Variants in CNOT4 observed in about 807,000 individuals in gnomAD.
CNOT4 encodes the protein CCR4-NOT transcription complex subunit 4, also known as CCR4-associated factor 4.
Under a neutral mutation model 73.8 loss-of-function variants are expected in CNOT4, and 8 were observed. That is an observed-to-expected ratio of 0.11 (90% CI 0.06 to 0.20). The LOEUF is 0.20. CNOT4 is among the 10% of genes least tolerant of loss of function. The pLI is 1.00. For missense variants in CNOT4, 564 were observed against 883.4 expected (o/e 0.64, Z 4.58); for synonymous variants, 293 against 321.1 (o/e 0.91, Z 0.94).
chr7:135,373,546 A>G (rs1322992153), intron 10 of CNOT4, among the ~76,000 whole-genome samples: 1 of 152,000 alleles, frequency 6.6e-6, no homozygotes, highest in African/African-American at 2.4e-5. Flanking sequence ...GAAATGGCAG[A>G]CTCTGGAAGC....
chr7:135,396,645 T>C (rs566318050), intron 8 of CNOT4, among the ~76,000 whole-genome samples: 36 of 152,296 alleles, frequency 2.4e-4, no homozygotes, highest in African/African-American at 8.2e-4. Context: ...TAAAAATAAT[T>C]TTGTATAATA....
At chr7:135,474,513 G>A (rs1266977548) in intron 1 of CNOT4, among the ~76,000 whole-genome samples, 1 of 151,036 alleles carries the variant, frequency 6.6e-6, no homozygotes, top group African/African-American at 2.4e-5. Context: ...CTGACCTCAA[G>A]TGATCCGCCC....
At chr7:135,471,628 T>A (rs554230552) in intron 1 of CNOT4, among the ~76,000 whole-genome samples, 1 of 152,366 alleles carries the variant, frequency 6.6e-6, no homozygotes, top group East Asian at 1.9e-4. Context: ...TATATATGTA[T>A]GTATTTAATT....
At chr7:135,384,376 C>T in intron 10 of CNOT4, 1 of 286,318 alleles carries the variant, frequency 3.5e-6, no homozygotes, top group Non-Finnish European at 6.7e-6. Context: ...GCTCCACCTC[C>T]TGGGTTCGCG....
In CNOT4 at chr7:135,364,096, G is replaced by A. The variant is rs1477063173; in HGVS notation, c.1628-30C>T. ...GAGATTTACCAACAAAAAAATGAAA[G>A]ATAAAAAAAAATAAAAAGCTACGTT... is the stretch of plus-strand genomic sequence containing the variant. On this transcript the variant is annotated intron_variant, in intron 10 of 11. Transcript: ENST00000541284. This position sits in a 1 kb window ranked among gnomAD's most constrained non-coding sequence, Gnocchi z 4.3. The A allele has an allele frequency of 1.0e-5, 15 of 1,470,248 alleles. No homozygotes were observed. Among genetic ancestry groups the A allele is most frequent in the Admixed American group, 9.9e-5 (5 of 50,468 alleles). The allele number at this position is 1,470,248 out of a possible 1,614,324, so 91.1% of individuals were successfully genotyped here. A position where few individuals can be genotyped will look rare whatever the true frequency, so the allele number is the denominator to read the frequency against.
At chr7:135,486,104 T>A (rs564664107) in intron 1 of CNOT4, among the ~76,000 whole-genome samples, 3 of 151,690 alleles carry the variant, frequency 2.0e-5, no homozygotes, top group Non-Finnish European at 4.4e-5. Context: ...CTAAAGAACT[T>A]AACTAAATAC....
intron 1 of CNOT4, among the ~76,000 whole-genome samples, chr7:135,493,181 T>C (rs539816406): frequency 6.6e-6 from 1 of 152,050 alleles, no homozygotes; most frequent in Admixed American, 6.6e-5. Context: ...AAATGGTTGG[T>C]TGGTTGGTTG....
At position 135,433,443 on chromosome 7, in the gene CNOT4, A is replaced by G. The variant is rs180833230; in HGVS notation, c.174+4715T>C. Among the ~76,000 whole-genome samples, 336 of 147,360 alleles carry G rather than the reference A, an allele frequency of 2.3e-3. 1 individual carries two copies. Among genetic ancestry groups the G allele is most frequent in the Non-Finnish European group, 3.5e-3 (234 of 67,154 alleles). ...ATGAACATGGCTCACTGTAGCTTCA[A>G]CCTCCTGGGTTCAAGCGATCCTCCC... On this transcript the variant is annotated intron_variant, in intron 2 of 11. Coordinates refer to ENST00000541284, the MANE Select transcript of CNOT4 (RefSeq NM_001190850.2).
chr7:135,441,236 CA>C lies in CNOT4; in HGVS notation c.-92-2814del, dbSNP rs34112399. 2.5e-3 allele frequency among the ~76,000 whole-genome samples: 366 copies of C among 148,386 alleles called. 1 individual carries two copies. The highest frequency in any genetic ancestry group is 7.8e-3 in the African/African-American group (316 of 40,468). On this transcript the variant is annotated intron_variant, in intron 1 of 11. Coordinates refer to ENST00000541284, the MANE Select transcript of CNOT4 (RefSeq NM_001190850.2). ...AAAAATCCATATTATCTAAATGCTG[CA>C]AAAAAAAATGTATTTTTTCACAATT... is the stretch of plus-strand genomic sequence containing the variant.
rs1029908544 is a variant in CNOT4, at chr7:135,393,991, G to A, written c.1554C>T (p.Thr518=). The A allele has an allele frequency of 6.8e-6, 11 of 1,614,032 alleles. No homozygotes were observed. Among genetic ancestry groups the A allele is most frequent in the Non-Finnish European group, 9.3e-6 (11 of 1,179,892 alleles). Reference sequence around the variant, plus strand: ...TCAAGTCCAAGAAATTACTATTTGAGGTGGGGTTTGCTGTGTGGTTCAAGT... The same window carrying A: ...TCAAGTCCAAGAAATTACTATTTGAAGTGGGGTTTGCTGTGTGGTTCAAGT... ...IMHLNHTANP[T]SNSNFLDLNL... The change falls in exon 10 of 12, where the codon ACC becomes ACT. Residue 518 remains threonine, a synonymous_variant. Coordinates refer to ENST00000541284, the MANE Select transcript of CNOT4 (RefSeq NM_001190850.2).
chr7:135,402,112 C>CTTT (rs71531849), intron 7 of CNOT4, among the ~76,000 whole-genome samples: 5 of 142,290 alleles, frequency 3.5e-5, no homozygotes, highest in African/African-American at 5.2e-5. Flanking sequence ...AAGACTATAT[C>CTTT]TTTTTTTTTT....
At position 135,383,384 on chromosome 7, in the gene CNOT4, C is replaced by T. The variant is rs1795949542; in HGVS notation, c.1627+10534G>A. ...TACCAATCCTTCACACTCACTGGGG[C>T]TGCTTACTTATAGCTGTCTCATCTC... On this transcript the variant is annotated intron_variant, in intron 10 of 11. Transcript: ENST00000541284. Among the ~76,000 whole-genome samples, 4 of 152,334 alleles carry T rather than the reference C, an allele frequency of 2.6e-5. 1 individual carries two copies. In the South Asian group the frequency reaches 8.3e-4, roughly 32 times the overall value.
In CNOT4 at chr7:135,370,650, T is replaced by C. The variant is rs115326370; in HGVS notation, c.1628-6584A>G. Among the ~76,000 whole-genome samples, 527 of 152,296 alleles carry C rather than the reference T, an allele frequency of 3.5e-3. 4 individuals are homozygous for C. The highest frequency in any genetic ancestry group is 0.012 in the African/African-American group (507 of 41,548). ...AGCATGTAGCTCAGTGTCTTAGAAA[T>C]GTTACATGCATCAAGATATCTGCAG... On this transcript the variant is annotated intron_variant, in intron 10 of 11. Coordinates refer to ENST00000541284, the MANE Select transcript of CNOT4 (RefSeq NM_001190850.2).
intron 1 of CNOT4, among the ~76,000 whole-genome samples, chr7:135,447,858 A>G (rs1799923346): frequency 1.3e-5 from 2 of 152,212 alleles, no homozygotes; most frequent in South Asian, 4.1e-4. Context: ...TGACCTCGAG[A>G]GTCGTATGGA....
At chr7:135,487,608 C>A (rs992775958) in intron 1 of CNOT4, among the ~76,000 whole-genome samples, 4 of 151,888 alleles carry the variant, frequency 2.6e-5, no homozygotes, top group Non-Finnish European at 5.9e-5. Flanking sequence ...AGTAATAGTT[C>A]TTCAGTAAAT....
intron 2 of CNOT4, among the ~76,000 whole-genome samples, chr7:135,422,820 T>C (rs1798264796): frequency 6.6e-6 from 1 of 152,218 alleles, no homozygotes; most frequent in Non-Finnish European, 1.5e-5. Context: ...ATTATTACTG[T>C]GCCTGGAACA....
chr7:135,443,576 T>G (rs969785159), intron 1 of CNOT4, among the ~76,000 whole-genome samples: 2 of 152,096 alleles, frequency 1.3e-5, no homozygotes, highest in Admixed American at 6.6e-5. Flanking sequence ...GGAGTGCAAA[T>G]GCCCAAAGAA....
At chr7:135,461,442 C>A (rs1585680080) in intron 1 of CNOT4, among the ~76,000 whole-genome samples, 1 of 152,166 alleles carries the variant, frequency 6.6e-6, no homozygotes, top group African/African-American at 2.4e-5. Flanking sequence ...GCTGTGGCTA[C>A]ATAATGCCTC....
At chr7:135,387,714 C>A (rs1468357664) in intron 10 of CNOT4, 1 of 984,436 alleles carries the variant, frequency 1.0e-6, no homozygotes, top group Non-Finnish European at 1.2e-6. Flanking sequence ...AGTACAGTTT[C>A]TTTTCCTTTA....
Sources: allele counts gnomAD v4.1 joint callset (sites outside exome capture counted in the v4.1 genomes callset), GRCh38; gene constraint gnomAD v4.1.1; non-coding constraint Gnocchi (gnomAD v3.1); transcripts MANE v1.5; gene names NCBI Gene and HGNC (gene_info 2026-07-23, HGNC 2026-07-21).